MACROD2: variants seen among roughly 807,000 people sequenced by gnomAD.
MACROD2 encodes mono-ADP ribosylhydrolase 2, also known as ADP-ribose glycohydrolase MACROD2.
In MACROD2, 36 loss-of-function variants were observed where a neutral mutation model predicts 70.4. The ratio of observed to expected loss-of-function variants is 0.51; its 90% CI spans 0.39 to 0.68. MACROD2 has a LOEUF of 0.68. Among genes scored for constraint, MACROD2 ranks in the 30% least tolerant of loss-of-function variants. MACROD2 has a pLI of 0.00. For missense variants in MACROD2, 496 were observed against 538.4 expected (o/e 0.92, Z 0.78); for synonymous variants, 172 against 178.8 (o/e 0.96, Z 0.30).
intron 10 of MACROD2, chr20:15,892,959 T>A (rs1298542722): frequency 2.5e-6 from 1 of 398,846 alleles, no homozygotes; most frequent in South Asian, 1.3e-4. Flanking sequence ...CTCTCCACCC[T>A]ACAAAAAGAG....
intron 8 of MACROD2, among the ~76,000 whole-genome samples, chr20:15,681,369 G>A (rs2050158060): frequency 6.6e-6 from 1 of 152,198 alleles, no homozygotes; most frequent in South Asian, 2.1e-4. Context: ...GGGGGGCCTA[G>A]TGACAGGTGA....
chr20:14,095,964 G>A (rs571961328), intron 3 of MACROD2, among the ~76,000 whole-genome samples: 1 of 152,298 alleles, frequency 6.6e-6, no homozygotes, highest in African/African-American at 2.4e-5. Flanking sequence ...TGCAGGAATA[G>A]TAAACAATAA....
intron 4 of MACROD2, among the ~76,000 whole-genome samples, chr20:14,655,945 C>A (rs544320347): frequency 6.6e-6 from 1 of 152,104 alleles, no homozygotes; most frequent in Non-Finnish European, 1.5e-5. Flanking sequence ...TATACATGGG[C>A]TGATTCTCAC....
At chr20:15,592,104 T>C (rs1376961090) in intron 8 of MACROD2, among the ~76,000 whole-genome samples, 1 of 152,246 alleles carries the variant, frequency 6.6e-6, no homozygotes, top group Non-Finnish European at 1.5e-5. Flanking sequence ...TGCTACTCGG[T>C]AGCTGTGAAA....
intron 3 of MACROD2, among the ~76,000 whole-genome samples, chr20:14,230,629 G>GTT (rs1569217251): frequency 1.0e-3 from 7 of 6,978 alleles, no homozygotes; most frequent in East Asian, 5.1e-3. Context: ...TCTCATTCAT[G>GTT]TTTATATATA....
At chr20:14,697,238 A>C (rs1425304397) in intron 5 of MACROD2, among the ~76,000 whole-genome samples, 1 of 152,196 alleles carries the variant, frequency 6.6e-6, no homozygotes, top group East Asian at 1.9e-4. Flanking sequence ...CTATTGTTTT[A>C]AAATTAACAA....
chr20:14,053,855 A>G (rs2053602083), intron 2 of MACROD2, among the ~76,000 whole-genome samples: 1 of 152,136 alleles, frequency 6.6e-6, no homozygotes, highest in South Asian at 2.1e-4. Flanking sequence ...ATATTAGTGC[A>G]TATGTCAAAA....
At chr20:14,912,020 C>A (rs2074033566) in intron 5 of MACROD2, among the ~76,000 whole-genome samples, 1 of 152,070 alleles carries the variant, frequency 6.6e-6, no homozygotes, top group South Asian at 2.1e-4. Context: ...AGTGATTAGC[C>A]CAATTTGTCA....
At chr20:14,770,803 A>G (rs946570041) in intron 5 of MACROD2, among the ~76,000 whole-genome samples, 1 of 152,108 alleles carries the variant, frequency 6.6e-6, no homozygotes, top group Non-Finnish European at 1.5e-5. Flanking sequence ...TCTTTATTGG[A>G]AGTTGTAAAA....
chr20:15,967,465 C>T, intron 12 of MACROD2, 88 bp from the exon 13 acceptor site: 1 of 1,078,048 alleles, frequency 9.3e-7, no homozygotes, highest in Non-Finnish European at 1.4e-6. Context: ...TATTTTTCCT[C>T]AAACATAAAT....
At position 14,346,093 on chromosome 20, in the gene MACROD2, C is replaced by CAAAAAAA. The variant is rs71190130; in HGVS notation, c.272-147361_272-147355dup. Among the ~76,000 whole-genome samples, 19 of 41,174 alleles carry CAAAAAAA rather than the reference C, an allele frequency of 4.6e-4. 1 individual carries two copies. The highest frequency in any genetic ancestry group is 5.1e-4 in the Admixed American group (1 of 1,956). 27.0% of individuals were successfully genotyped at this position (41,174 alleles called of 152,430 possible). Reference sequence around the variant, plus strand: ...TGGGTGACAGAGTGAGATTCTGCCTCAAAAAAAAAAAAAAAAAAAAAAAAA... The same window carrying CAAAAAAA: ...TGGGTGACAGAGTGAGATTCTGCCTCAAAAAAAAAAAAAAAAAAAAAAAAAAAAAAAA... On this transcript the variant is annotated intron_variant, in intron 3 of 17. Coordinates refer to ENST00000684519, the MANE Select transcript of MACROD2 (RefSeq NM_001351661.2).
chr20:14,218,190 G>A (rs374067416), intron 3 of MACROD2, among the ~76,000 whole-genome samples: 16 of 152,274 alleles, frequency 1.1e-4, no homozygotes, highest in African/African-American at 3.8e-4. Context: ...AAATTTGGGA[G>A]CCCCAGTGTT....
Position 14,326,749 on chromosome 20 carries a change from T to A in MACROD2, c.272-166730T>A. On this transcript the variant is annotated intron_variant, in intron 3 of 17. Transcript: ENST00000684519. The surrounding 1 kb of genome is among the most constrained non-coding windows in gnomAD (Gnocchi z 5.5). ...CCGATTGATGTGGTTATCTTGAAGA[T>A]AAAGCTTCCTCAGGTTTGTGCCTGG... The A allele has an allele frequency of 1.9e-6, 3 of 1,613,814 alleles. No individual in the cohort carries two copies. Among genetic ancestry groups the A allele is most frequent in the Non-Finnish European group, 2.5e-6 (3 of 1,179,820 alleles).
chr20:15,936,688 T>TATATATATATATATATATATA (rs11473996), intron 11 of MACROD2, among the ~76,000 whole-genome samples: 21 of 150,638 alleles, frequency 1.4e-4, no homozygotes, highest in South Asian at 4.2e-4. Flanking sequence ...TATATATATA[T>TATATATATATATATATATATA]TCATTTTCCA....
At chr20:15,263,412 A>C (rs6043158) in intron 6 of MACROD2, among the ~76,000 whole-genome samples, 52,910 of 151,784 alleles carry the variant, frequency 0.35, 9,584 homozygotes, top group Non-Finnish European at 0.4. Context: ...TGCCAGTACC[A>C]CACTGTTTTG....
intron 5 of MACROD2, chr20:14,850,296 G>C (rs1214846238): frequency 5.9e-6 from 1 of 170,830 alleles, no homozygotes; most frequent in Non-Finnish European, 1.3e-5. Context: ...GAAACATTCT[G>C]AGGAATGTTC....
intron 4 of MACROD2, among the ~76,000 whole-genome samples, chr20:14,640,858 G>A (rs923018709): frequency 3.3e-5 from 5 of 152,174 alleles, no homozygotes; most frequent in African/African-American, 1.2e-4. Context: ...GCAGGTGGAG[G>A]CTCTTGCCTC....
In MACROD2 at chr20:14,586,374, TTTCC is replaced by T. The variant is rs971722237; in HGVS notation, c.301+92869_301+92872del. On this transcript the variant is annotated intron_variant, in intron 4 of 17. Transcript: ENST00000684519. ...ATAGGTTGATTTAATCAGTAACATC[TTTCC>T]TTAAGTTTCCTAATTCTAGGGTGCC... is the stretch of plus-strand genomic sequence containing the variant. Among the ~76,000 whole-genome samples the T allele has an allele frequency of 3.5e-4, 53 of 152,174 alleles. 1 individual carries two copies. The highest frequency in any genetic ancestry group is 1.2e-3 in the Admixed American group (18 of 15,272).
chr20:14,566,237 A>T (rs1376428242), intron 4 of MACROD2, among the ~76,000 whole-genome samples: 1 of 152,020 alleles, frequency 6.6e-6, no homozygotes, highest in Non-Finnish European at 1.5e-5. Context: ...ACAGAAGACA[A>T]ATTCCAAATG....
Sources: gnomAD v4.1 joint callset for allele counts (sites outside exome capture counted in the v4.1 genomes callset) on GRCh38, gnomAD v4.1.1 for gene constraint, Gnocchi (gnomAD v3.1) non-coding constraint, MANE v1.5 for transcripts, NCBI Gene and HGNC (gene_info 2026-07-23, HGNC 2026-07-21) for gene names.